The following TYW1B variants were observed in gnomAD, a reference collection of about 807,000 sequenced individuals.
TYW1B encodes S-adenosyl-L-methionine-dependent tRNA 4-demethylwyosine synthase TYW1B.
In TYW1B, 73 loss-of-function variants were observed where a neutral mutation model predicts 86.9. The observed-to-expected ratio is 0.84, with a 90% CI of 0.70 to 1.02. The LOEUF (loss-of-function observed/expected upper bound fraction) is 1.02. Among genes scored for constraint, TYW1B ranks in the 50% least tolerant of loss-of-function variants. The probability of loss-of-function intolerance (pLI) is 0.00; values close to 1 mark genes in which losing one functional copy is unlikely to be tolerated. For synonymous variants in TYW1B, 248 were observed against 292.8 expected (o/e 0.85, Z 1.56); for missense variants, 637 against 827.4 (o/e 0.77, Z 2.82).
chr7:72,800,035 T>C (rs1311593886), intron 6 of TYW1B, among the ~76,000 whole-genome samples: 1 of 152,192 alleles, frequency 6.6e-6, no homozygotes, highest in East Asian at 1.9e-4. Context: ...TTTAATATTT[T>C]TTATTGCTTC....
At chr7:72,790,113 A>G (rs62466876) in intron 6 of TYW1B, among the ~76,000 whole-genome samples, 4 of 150,810 alleles carry the variant, frequency 2.7e-5, no homozygotes, top group Non-Finnish European at 5.9e-5. Flanking sequence ...ACGCCTGGCT[A>G]ATTTTTTTTT....
chr7:72,768,792 A>T (rs1318984801), intron 7 of TYW1B: 1 of 170,224 alleles, frequency 5.9e-6, no homozygotes, highest in African/African-American at 2.4e-5. Flanking sequence ...ATCTCAAAAA[A>T]AAAAAAAAAA....
chr7:72,718,940 A>C (rs1490184846), intron 9 of TYW1B, among the ~76,000 whole-genome samples: 1 of 152,066 alleles, frequency 6.6e-6, no homozygotes, highest in Non-Finnish European at 1.5e-5. Context: ...GTAGTTTTAT[A>C]TCCTTGGTCA....
rs187577762 is a variant in TYW1B, at chr7:72,788,122, C to T, written c.847-10589G>A. On this transcript the variant is annotated intron_variant, in intron 6 of 13. Transcript: ENST00000620995. ...GCTCCCGAGTAGCTGGGACTATAGGCGCCTGCCACCACACCTGGCTAATAT... is the reference window on the plus strand; with the variant it reads ...GCTCCCGAGTAGCTGGGACTATAGGTGCCTGCCACCACACCTGGCTAATAT... Among the ~76,000 whole-genome samples, 241 of 151,848 alleles carry T rather than the reference C, an allele frequency of 1.6e-3. No homozygotes were observed. The East Asian group carries it at 0.022, about 14-fold the overall frequency.
chr7:72,762,663 TTTTG>T (rs1787704160), intron 7 of TYW1B, among the ~76,000 whole-genome samples: 1 of 152,030 alleles, frequency 6.6e-6, no homozygotes, highest in Non-Finnish European at 1.5e-5. Context: ...GTGTTTTTTG[TTTTG>T]TTTTTCTTTT....
chr7:72,775,423 T>C (rs1473790032), intron 7 of TYW1B, among the ~76,000 whole-genome samples: 1 of 151,514 alleles, frequency 6.6e-6, no homozygotes, highest in African/African-American at 2.4e-5. Flanking sequence ...TAGCAGGAGG[T>C]TGGGAGAAGG....
intron 11 of TYW1B, among the ~76,000 whole-genome samples, chr7:72,665,031 A>T (rs565138895): frequency 6.6e-6 from 1 of 152,154 alleles, no homozygotes; most frequent in African/African-American, 2.4e-5. Context: ...GAATATTTTC[A>T]ATGTGTGGTT....
chr7:72,574,853 C>T lies in TYW1B; in HGVS notation c.*645G>A. The T allele has an allele frequency of 1.0e-5, 10 of 985,482 alleles. No homozygotes were observed. Among genetic ancestry groups the T allele is most frequent in the Non-Finnish European group, 1.2e-5 (10 of 830,134 alleles). 61.0% of individuals were successfully genotyped at this position (985,482 alleles called of 1,614,324 possible). A position where few individuals can be genotyped will look rare whatever the true frequency, so the allele number is the denominator to read the frequency against. On this transcript the variant is annotated 3_prime_UTR_variant, in exon 14 of 14. Coordinates refer to ENST00000620995, the MANE Select transcript of TYW1B (RefSeq NM_001145440.3). The stretch of plus-strand genomic sequence containing the variant: ...TCACTCCGCTCCAGCCCCGGTACTG[C>T]GGTCTGTGGTAATTTACATGGGAAT...
At chr7:72,687,351 T>C (rs1414477698) in intron 11 of TYW1B, among the ~76,000 whole-genome samples, 1 of 152,150 alleles carries the variant, frequency 6.6e-6, no homozygotes, top group Non-Finnish European at 1.5e-5. Context: ...GGATAATCAC[T>C]TGAAGCCAGG....
At chr7:72,676,617 G>C (rs879950081) in intron 11 of TYW1B, among the ~76,000 whole-genome samples, 1 of 151,968 alleles carries the variant, frequency 6.6e-6, no homozygotes, top group Non-Finnish European at 1.5e-5. Context: ...TATTTACAGA[G>C]AAACCCAGTT....
At chr7:72,661,710 T>C (rs1221835227) in intron 11 of TYW1B, among the ~76,000 whole-genome samples, 1 of 151,840 alleles carries the variant, frequency 6.6e-6, no homozygotes, top group African/African-American at 2.4e-5. Context: ...AGCTTAATTC[T>C]TCAAACTTGA....
At chr7:72,750,161 A>G (rs1308787968) in intron 7 of TYW1B, among the ~76,000 whole-genome samples, 2 of 152,060 alleles carry the variant, frequency 1.3e-5, no homozygotes, top group African/African-American at 2.4e-5. Flanking sequence ...TCAGCCTCCC[A>G]AAGTGCTGGG....
At chr7:72,813,005 T>C (rs1241777976) in intron 3 of TYW1B, among the ~76,000 whole-genome samples, 1 of 151,940 alleles carries the variant, frequency 6.6e-6, no homozygotes, top group Non-Finnish European at 1.5e-5. Context: ...CTGTTTTTTT[T>C]AAAGAAAGTT....
intron 10 of TYW1B, among the ~76,000 whole-genome samples, chr7:72,700,155 CTTTTTTTTTTTTTTTTTTTTT>C (rs587689485): frequency 4.0e-5 from 3 of 74,208 alleles, no homozygotes; most frequent in African/African-American, 1.2e-4. Context: ...AGCTTTTACA[CTTTTTTTTTTTTTTTTTTTTT>C]TTTTTTTTTT....
At chr7:72,735,592 G>T (rs541082720) in intron 8 of TYW1B, among the ~76,000 whole-genome samples, 1 of 141,232 alleles carries the variant, frequency 7.1e-6, no homozygotes, top group Admixed American at 7.3e-5. Flanking sequence ...AAAAAAGGCC[G>T]AGTGCAGTGG....
intron 6 of TYW1B, among the ~76,000 whole-genome samples, chr7:72,800,238 T>C (rs1265693115): frequency 3.3e-5 from 5 of 151,774 alleles, no homozygotes; most frequent in Non-Finnish European, 7.4e-5. Context: ...CCCAATGTCA[T>C]GCAGGCCGGG....
chr7:72,773,069 G>A (rs1455853700), intron 7 of TYW1B, among the ~76,000 whole-genome samples: 2 of 152,194 alleles, frequency 1.3e-5, no homozygotes, highest in Middle Eastern at 3.4e-3. Context: ...TCCTCTCGTG[G>A]AATTCCATAT....
rs1450202621 is a variant in TYW1B at position 72,628,753 on chromosome 7, G to C, written c.1617+134C>G. 1.8e-4 allele frequency: 117 copies of C among 656,044 alleles called. No homozygotes were observed. The Admixed American group carries it at 3.4e-3, about 19-fold the overall frequency. The allele number at this position is 656,044 out of a possible 1,614,324, so 40.6% of individuals were successfully genotyped here. On this transcript the variant is annotated intron_variant, in intron 12 of 13. Coordinates refer to ENST00000620995, the MANE Select transcript of TYW1B (RefSeq NM_001145440.3). ...CAATTCCAGGTTCTTGATGAATATC[G>C]ATCACGAAATGAATACATCAATAAA... is the stretch of plus-strand genomic sequence containing the variant.
chr7:72,761,243 T>G (rs1205593786), intron 7 of TYW1B, among the ~76,000 whole-genome samples: 1 of 152,096 alleles, frequency 6.6e-6, no homozygotes, highest in African/African-American at 2.4e-5. Flanking sequence ...TATAAAATGG[T>G]TCTCATCTAT....
Sources: allele counts gnomAD v4.1 joint callset (sites outside exome capture counted in the v4.1 genomes callset), GRCh38; gene constraint gnomAD v4.1.1; transcripts MANE v1.5; gene names NCBI Gene and HGNC (gene_info 2026-07-23, HGNC 2026-07-21).